Variants in SENP8 observed in about 807,000 individuals in gnomAD.
SENP8 encodes SUMO peptidase family member, NEDD8 specific, also known as sentrin-specific protease 8.
SENP8 carries 10 observed loss-of-function variants against 14.4 expected under a neutral mutation model. That is an observed-to-expected ratio of 0.69 (90% CI 0.43 to 1.18). The LOEUF (loss-of-function observed/expected upper bound fraction) is 1.18. Ranked by LOEUF, SENP8 falls within the 50% of genes most tolerant of loss-of-function variation. The pLI is 0.00. For missense variants in SENP8, 202 were observed against 249.4 expected (o/e 0.81, Z 1.28); for synonymous variants, 94 against 95.5 (o/e 0.98, Z 0.09).
upstream of SENP8, chr15:72,118,140 G>A: frequency 2.6e-6 from 1 of 377,682 alleles, no homozygotes; most frequent in Non-Finnish European, 4.7e-6. Flanking sequence ...CAGGCGAGCA[G>A]GCGCGCGCGC....
At chr15:72,125,613 A>C (rs1453262786) in intron 1 of SENP8, among the ~76,000 whole-genome samples, 1 of 152,068 alleles carries the variant, frequency 6.6e-6, no homozygotes, top group African/African-American at 2.4e-5. Flanking sequence ...TTCAATATAC[A>C]GATAATAAAG....
intron 1 of SENP8, among the ~76,000 whole-genome samples, chr15:72,128,513 C>A (rs767798036): frequency 1.3e-5 from 2 of 152,214 alleles, no homozygotes; most frequent in Non-Finnish European, 2.9e-5. Flanking sequence ...GCCACAGTTG[C>A]AAAAGTTCTG....
chr15:72,114,774 A>T (rs1567057051), upstream of SENP8, among the ~76,000 whole-genome samples: 1 of 152,228 alleles, frequency 6.6e-6, no homozygotes, highest in Non-Finnish European at 1.5e-5. Flanking sequence ...AGGAATCAAT[A>T]CATTAAGTCA....
intron 1 of SENP8, among the ~76,000 whole-genome samples, chr15:72,130,084 G>A (rs563157883): frequency 3.3e-5 from 5 of 152,194 alleles, no homozygotes; most frequent in Admixed American, 3.3e-4. Context: ...CAGCTACCTG[G>A]GAGGCTGAGG....
upstream of SENP8, among the ~76,000 whole-genome samples, chr15:72,116,341 C>A (rs2080977147): frequency 6.6e-6 from 1 of 152,094 alleles, no homozygotes; most frequent in Admixed American, 6.5e-5. Context: ...CATCTTTATA[C>A]CAATATTAAA....
intron 1 of SENP8, among the ~76,000 whole-genome samples, chr15:72,134,457 C>T (rs1035763517): frequency 2.0e-5 from 3 of 152,146 alleles, no homozygotes; most frequent in African/African-American, 7.2e-5. Flanking sequence ...TACGCACCTG[C>T]AGTCCTAGCT....
At chr15:72,136,480 A>G (rs1260017902) in intron 1 of SENP8, among the ~76,000 whole-genome samples, 1 of 150,630 alleles carries the variant, frequency 6.6e-6, no homozygotes, top group Admixed American at 7.1e-5. Flanking sequence ...CTTATTATAT[A>G]TTTTTTCTTT....
chr15:72,139,804 TTCA>T lies in SENP8; in HGVS notation c.185_187del (p.Ile62del). 2.5e-6 allele frequency: 4 copies of T among 1,614,182 alleles called. No individual in the cohort carries two copies. The highest frequency in any genetic ancestry group is 3.4e-6 in the Non-Finnish European group (4 of 1,180,024). ...TTTCATCAGCCCTGAAGTCACCCAG[TTCA>T]TCAAGTGCACTAGCAACCCAGCAGA... On this transcript the variant is annotated inframe_deletion, in exon 2 of 2. Coordinates refer to ENST00000340912, the MANE Select transcript of SENP8 (RefSeq NM_145204.4).
upstream of SENP8, chr15:72,118,321 G>A (rs903420705): frequency 1.8e-5 from 4 of 219,690 alleles, no homozygotes; most frequent in Non-Finnish European, 2.7e-5. Context: ...GCAGAGCAGG[G>A]AACTCAGCTT....
chr15:72,118,029 TCTC>T, upstream of SENP8: 3 of 397,072 alleles, frequency 7.6e-6, no homozygotes, highest in Non-Finnish European at 1.3e-5. Flanking sequence ...TCCTGTACTC[TCTC>T]AACAGACACA....
intron 1 of SENP8, among the ~76,000 whole-genome samples, chr15:72,125,449 A>AT (rs563508092): frequency 0.017 from 2,528 of 150,006 alleles, 42 homozygotes; most frequent in Non-Finnish European, 0.026. Context: ...TTTTCTAACA[A>AT]TTTTTTTTTT....
intron 1 of SENP8, among the ~76,000 whole-genome samples, chr15:72,123,572 C>G (rs1430229826): frequency 6.8e-6 from 1 of 148,114 alleles, no homozygotes; most frequent in Admixed American, 6.7e-5. Flanking sequence ...TGGAGTTTTG[C>G]TCTTGTTCCC....
At chr15:72,126,110 AT>A (rs1028912110) in intron 1 of SENP8, among the ~76,000 whole-genome samples, 29 of 151,846 alleles carry the variant, frequency 1.9e-4, no homozygotes, top group African/African-American at 7.0e-4. Context: ...GGTGTGAGCT[AT>A]TTTTTTTAAC....
intron 1 of SENP8, among the ~76,000 whole-genome samples, chr15:72,120,189 T>C (rs1447314321): frequency 2.0e-5 from 3 of 152,218 alleles, no homozygotes; most frequent in Non-Finnish European, 4.4e-5. Flanking sequence ...AGTAATGAGA[T>C]ATAAAGATAT....
chr15:72,119,961 G>T lies in SENP8; in HGVS notation c.-48+1497G>T, dbSNP rs1267392833. 1.2e-4 allele frequency among the ~76,000 whole-genome samples: 18 copies of T among 152,144 alleles called. 1 individual carries two copies. Among genetic ancestry groups the T allele is most frequent in the Non-Finnish European group, 4.4e-5 (3 of 68,036 alleles). On this transcript the variant is annotated intron_variant, in intron 1 of 1. Coordinates refer to ENST00000340912, the MANE Select transcript of SENP8 (RefSeq NM_145204.4). ...TGCTCTCCCGTTCCCTTCCGTCCAG[G>T]ATTGGTCAGCTGTTGTCTCCAGCCT...
At chr15:72,119,397 T>G (rs996103635) in intron 1 of SENP8, among the ~76,000 whole-genome samples, 1 of 152,230 alleles carries the variant, frequency 6.6e-6, no homozygotes, top group Non-Finnish European at 1.5e-5. Flanking sequence ...TGCTAAAGAT[T>G]GAGACTCACT....
intron 1 of SENP8, among the ~76,000 whole-genome samples, chr15:72,127,565 C>A (rs2081232580): frequency 6.6e-6 from 1 of 152,118 alleles, no homozygotes; most frequent in South Asian, 2.1e-4. Flanking sequence ...GCTGAAGCCA[C>A]ATTTTCATGT....
chr15:72,134,097 C>CA (rs1278172269), intron 1 of SENP8, among the ~76,000 whole-genome samples: 1 of 152,082 alleles, frequency 6.6e-6, no homozygotes, highest in African/African-American at 2.4e-5. Context: ...TACAGGCACC[C>CA]ACCATGCCCC....
chr15:72,124,785 G>A (rs1000290751), intron 1 of SENP8, among the ~76,000 whole-genome samples: 2 of 151,662 alleles, frequency 1.3e-5, no homozygotes, highest in Non-Finnish European at 2.9e-5. Context: ...TTAAAAAAGG[G>A]GGAAAAATTA....
Sources: gnomAD v4.1 joint callset for allele counts (sites outside exome capture counted in the v4.1 genomes callset) on GRCh38, gnomAD v4.1.1 for gene constraint, MANE v1.5 for transcripts, NCBI Gene and HGNC (gene_info 2026-07-23, HGNC 2026-07-21) for gene names.